The following ELFN2 variants were observed in gnomAD, a reference collection of about 807,000 sequenced individuals.
The protein encoded by ELFN2 is protein phosphatase 1 regulatory subunit 29.
In ELFN2, 17 loss-of-function variants were observed where a neutral mutation model predicts 45.5. That is an observed-to-expected ratio of 0.37 (90% CI 0.26 to 0.56). The LOEUF (loss-of-function observed/expected upper bound fraction) is 0.56. ELFN2 is among the 20% of genes least tolerant of loss of function. ELFN2 has a pLI of 0.77. For synonymous variants in ELFN2, 550 were observed against 551.5 expected (o/e 1.00, Z 0.04); for missense variants, 922 against 1,183.2 (o/e 0.78, Z 3.24).
In ELFN2 at chr22:37,422,663, G is replaced by A. The variant is rs889520732; in HGVS notation, c.-614+4635C>T. Among the ~76,000 whole-genome samples, 4 of 152,136 alleles carry A rather than the reference G, an allele frequency of 2.6e-5. No homozygotes were observed. In the East Asian group the frequency reaches 7.7e-4, roughly 29 times the overall value. On this transcript the variant is annotated intron_variant, in intron 1 of 2. Coordinates refer to ENST00000402918, the MANE Select transcript of ELFN2 (RefSeq NM_052906.5). Reference sequence around the variant, plus strand: ...GGCTGGAGTGCAGTAGCACAATCTCGGCTCACTGCAACCTGGGCCTCCTGG... The same window carrying A: ...GGCTGGAGTGCAGTAGCACAATCTCAGCTCACTGCAACCTGGGCCTCCTGG...
At chr22:37,414,813 A>G (rs1267736616) in intron 2 of ELFN2, among the ~76,000 whole-genome samples, 1 of 152,192 alleles carries the variant, frequency 6.6e-6, no homozygotes, top group Non-Finnish European at 1.5e-5. Context: ...AAGACAGCTC[A>G]GCCTGTCAGA....
intron 1 of ELFN2, among the ~76,000 whole-genome samples, chr22:37,355,183 G>A (rs1219010716): frequency 1.3e-5 from 2 of 152,178 alleles, no homozygotes; most frequent in Non-Finnish European, 1.5e-5. Context: ...CCAGTGGGAG[G>A]TTTTCTGCCG....
At position 37,374,642 on chromosome 22, in the gene ELFN2, G is replaced by A; in HGVS notation, c.893C>T (p.Ala298Val). The A allele has an allele frequency of 1.2e-6, 2 of 1,613,694 alleles. No individual in the cohort carries two copies. Among genetic ancestry groups the A allele is most frequent in the Non-Finnish European group, 1.7e-6 (2 of 1,179,600 alleles). Residue 298 changes from alanine (A) to valine (V), a missense_variant, in exon 3 of 3, where the codon GCC becomes GTC. This residue lies in a region of ELFN2 where 358 missense variants were observed against 540.4 expected (regional missense o/e 0.66). Coordinates refer to ENST00000402918, the MANE Select transcript of ELFN2 (RefSeq NM_052906.5). Reference protein sequence around the residue: ...SSTTDASAGPAIKLHHVTFTS... With the variant: ...SSTTDASAGPVIKLHHVTFTS... ...GAACGTGACGTGGTGCAGCTTGATG[G>A]CTGGCCCTGCCGACGCATCCGTGGT...
chr22:37,379,422 G>A (rs1325257056), intron 2 of ELFN2, among the ~76,000 whole-genome samples: 1 of 152,192 alleles, frequency 6.6e-6, no homozygotes, highest in East Asian at 1.9e-4. Flanking sequence ...CAGGCAAGCA[G>A]GCATTGGGGG....
intron 1 of ELFN2, among the ~76,000 whole-genome samples, chr22:37,362,736 A>G (rs1281196309): frequency 6.6e-6 from 1 of 151,464 alleles, no homozygotes; most frequent in African/African-American, 2.4e-5. Context: ...GAGCAGGGGT[A>G]AAGCCCCTAC....
intron 2 of ELFN2, among the ~76,000 whole-genome samples, chr22:37,381,140 C>T (rs1931750464): frequency 1.3e-5 from 2 of 152,136 alleles, no homozygotes; most frequent in African/African-American, 2.4e-5. Flanking sequence ...ATCCAATGCT[C>T]CTTTGTGTCT....
chr22:37,384,431 C>T (rs980298687), intron 2 of ELFN2, among the ~76,000 whole-genome samples: 1 of 151,832 alleles, frequency 6.6e-6, no homozygotes, highest in Admixed American at 6.6e-5. Context: ...CCTTCTCTCC[C>T]CAACCTGGCC....
In ELFN2 at chr22:37,373,371, C is replaced by G; in HGVS notation, c.2164G>C (p.Asp722His). 2 of 1,612,132 alleles carry G rather than the reference C, an allele frequency of 1.2e-6. No individual in the cohort carries two copies. Among genetic ancestry groups the G allele is most frequent in the South Asian group, 1.1e-5 (1 of 90,952 alleles). ...AAGGACACGCGCTGGCTCAGGCTGTCGGCACCCTCCTCGTAGTACAGGGCG... is the reference window on the plus strand; with the variant it reads ...AAGGACACGCGCTGGCTCAGGCTGTGGGCACCCTCCTCGTAGTACAGGGCG... ...FPALYYEEGA[D>H]SLSQRVSFLK... The change falls in exon 3 of 3, where the codon GAC becomes CAC. Residue 722 changes from aspartate (D) to histidine (H), a missense_variant. Asp to His is a moderately conservative substitution (Grantham distance 81). This residue lies in a region of ELFN2 where 564 missense variants were observed against 642.8 expected (regional missense o/e 0.88). Transcript: ENST00000402918.
chr22:37,409,795 G>C (rs756181846), intron 2 of ELFN2, among the ~76,000 whole-genome samples: 1 of 152,186 alleles, frequency 6.6e-6, no homozygotes, highest in Non-Finnish European at 1.5e-5. Context: ...GGGTGCTCAG[G>C]GTGCAATCAG....
At chr22:37,366,657 G>T (rs1043259247), downstream of ELFN2, among the ~76,000 whole-genome samples, 1 of 152,226 alleles carries the variant, frequency 6.6e-6, no homozygotes, top group Non-Finnish European at 1.5e-5. Flanking sequence ...GCCTGTCAGG[G>T]CCCAGGCCCT....
rs1931324683 is a variant in ELFN2 at position 37,370,141 on chromosome 22, G to C, written c.*2931C>G. On this transcript the variant is annotated 3_prime_UTR_variant, in exon 3 of 3. Transcript: ENST00000402918. ...AGAACCACATGAACTGGGTCTTCAAGGCCAGTTCCCCTCCTGGATCATCAG... is the reference window on the plus strand; with the variant it reads ...AGAACCACATGAACTGGGTCTTCAACGCCAGTTCCCCTCCTGGATCATCAG... The C allele has an allele frequency of 6.6e-6, 1 of 152,210 alleles. No homozygotes were observed. The highest frequency in any genetic ancestry group is 1.5e-5 in the Non-Finnish European group (1 of 68,054). The allele number at this position is 152,210 out of a possible 1,614,324, so 9.4% of individuals were successfully genotyped here. A position where few individuals can be genotyped will look rare whatever the true frequency, so the allele number is the denominator to read the frequency against.
chr22:37,420,256 C>T (rs1419734035), intron 1 of ELFN2: 1 of 152,234 alleles, frequency 6.6e-6, no homozygotes, highest in Non-Finnish European at 1.5e-5. Flanking sequence ...CGCCCGCCCC[C>T]TCCTCCGGCC....
Position 37,370,096 on chromosome 22 carries a change from G to C in ELFN2, c.*2976C>G, listed in dbSNP as rs1348026120. On this transcript the variant is annotated 3_prime_UTR_variant, in exon 3 of 3. Coordinates refer to ENST00000402918, the MANE Select transcript of ELFN2 (RefSeq NM_052906.5). The stretch of plus-strand genomic sequence containing the variant: ...TGGGAGGCCAGAGACCCGAGTCTTA[G>C]ACCCCGCTCTGCCTCACAAAGAACC... 7 of 152,332 alleles carry C rather than the reference G, an allele frequency of 4.6e-5. No individual in the cohort carries two copies. The highest frequency in any genetic ancestry group is 1.7e-4 in the African/African-American group (7 of 41,564). 9.4% of individuals were successfully genotyped at this position (152,332 alleles called of 1,614,324 possible).
At chr22:37,399,188 C>T (rs569308074) in intron 2 of ELFN2, among the ~76,000 whole-genome samples, 3 of 152,204 alleles carry the variant, frequency 2.0e-5, no homozygotes, top group South Asian at 4.2e-4. Flanking sequence ...TGAGATTCCC[C>T]GGCCTGGAGT....
At chr22:37,407,562 G>C (rs1308865372) in intron 2 of ELFN2, among the ~76,000 whole-genome samples, 1 of 152,154 alleles carries the variant, frequency 6.6e-6, no homozygotes, top group African/African-American at 2.4e-5. Context: ...CAAGCGATGG[G>C]GCCACCACAG....
chr22:37,398,996 A>G (rs1026340275), intron 2 of ELFN2, among the ~76,000 whole-genome samples: 7 of 151,534 alleles, frequency 4.6e-5, no homozygotes, highest in African/African-American at 1.7e-4. Context: ...AAACACATAC[A>G]TGCTCCCTGC....
At chr22:37,391,180 C>T (rs1362122657) in intron 2 of ELFN2, among the ~76,000 whole-genome samples, 3 of 152,204 alleles carry the variant, frequency 2.0e-5, no homozygotes, top group Admixed American at 6.5e-5. Flanking sequence ...TTTCCCTATC[C>T]GCCCAAGGCT....
chr22:37,419,783 C>T (rs537259780), intron 1 of ELFN2, among the ~76,000 whole-genome samples: 1 of 152,316 alleles, frequency 6.6e-6, no homozygotes, highest in Admixed American at 6.5e-5. Context: ...CGCCACAGCG[C>T]TCCCAGGGCA....
chr22:37,356,984 C>A lies in ELFN2; in HGVS notation n.149-14281G>T, dbSNP rs149036213. On this transcript the variant is annotated intron_variant and non_coding_transcript_variant, in intron 1 of 2. Coordinates refer to ENST00000452946, the Ensembl canonical transcript of ELFN2. ...ACAAATAACAGAGACTCCAGCCAGACATTTATTGCTTAAGTAAAATCAGGA... is the reference window on the plus strand; with the variant it reads ...ACAAATAACAGAGACTCCAGCCAGAAATTTATTGCTTAAGTAAAATCAGGA... Among the ~76,000 whole-genome samples, 685 of 152,288 alleles carry A rather than the reference C, an allele frequency of 4.5e-3. 7 individuals carry two copies. The highest frequency in any genetic ancestry group is 0.016 in the African/African-American group (665 of 41,554).
Sources: gnomAD v4.1 joint callset for allele counts (sites outside exome capture counted in the v4.1 genomes callset) on GRCh38, gnomAD v4.1.1 for gene constraint, gnomAD v4.1.1 regional missense constraint, MANE v1.5 for transcripts, NCBI Gene and HGNC (gene_info 2026-07-23, HGNC 2026-07-21) for gene names.